ADGB: variants seen among roughly 807,000 people sequenced by gnomAD.
ADGB encodes the protein androglobin.
In ADGB, 172 loss-of-function variants were observed where a neutral mutation model predicts 210.5. The ratio of observed to expected loss-of-function variants is 0.82; its 90% CI spans 0.72 to 0.93. The LOEUF (loss-of-function observed/expected upper bound fraction) is 0.93, where lower values mean the gene tolerates loss of function less well. Among genes scored for constraint, ADGB ranks in the 40% least tolerant of loss-of-function variants. ADGB has a pLI of 0.00. For missense variants in ADGB, 2,025 were observed against 1,964.8 expected (o/e 1.03, Z -0.58); for synonymous variants, 658 against 662.7 (o/e 0.99, Z 0.11).
At chr6:146,721,295 A>C (rs1173280026) in intron 16 of ADGB, 108 bp from the exon 17 acceptor site, 4 of 705,874 alleles carry the variant, frequency 5.7e-6, no homozygotes, top group Non-Finnish European at 4.9e-6. Context: ...CCTACAACAC[A>C]GTAAGTTTCC....
intron 35 of ADGB, chr6:146,803,479 T>G: frequency 6.2e-7 from 1 of 1,603,982 alleles, no homozygotes; most frequent in South Asian, 1.1e-5. Flanking sequence ...TGGAAAGGGA[T>G]GATGAACTTT....
intron 15 of ADGB, among the ~76,000 whole-genome samples, chr6:146,717,298 C>T (rs1776750141): frequency 6.6e-6 from 1 of 152,070 alleles, no homozygotes; most frequent in Non-Finnish European, 1.5e-5. Context: ...CCATATAACA[C>T]ATTAATAGCC....
intron 26 of ADGB, among the ~76,000 whole-genome samples, chr6:146,751,402 C>T (rs1388612059): frequency 2.0e-5 from 3 of 152,026 alleles, no homozygotes; most frequent in Non-Finnish European, 4.4e-5. Flanking sequence ...TGGGTTAATT[C>T]CATGTCTTTG....
intron 1 of ADGB, among the ~76,000 whole-genome samples, chr6:146,635,063 T>A (rs1476352586): frequency 1.3e-5 from 2 of 152,072 alleles, no homozygotes; most frequent in Admixed American, 1.3e-4. Context: ...AGTCTGAGAA[T>A]ACAGCTATTT....
chr6:146,731,629 C>T (rs11155482), intron 20 of ADGB, among the ~76,000 whole-genome samples: 29,096 of 152,132 alleles, frequency 0.19, 3,402 homozygotes, highest in Middle Eastern at 0.3. Flanking sequence ...ATTCTCCCTG[C>T]TCCCTCAATG....
chr6:146,630,877 A>G (rs983305702), intron 1 of ADGB, among the ~76,000 whole-genome samples: 3 of 152,182 alleles, frequency 2.0e-5, no homozygotes, highest in African/African-American at 4.8e-5. Flanking sequence ...TACATTATCT[A>G]TGGGTTCCTG....
chr6:146,785,703 AAAG>A lies in ADGB; in HGVS notation c.4313_4315del (p.Glu1438del), dbSNP rs1777862669. 3 of 1,549,912 alleles carry A rather than the reference AAAG, an allele frequency of 1.9e-6. No individual in the cohort carries two copies. The highest frequency in any genetic ancestry group is 2.6e-6 in the Non-Finnish European group (3 of 1,145,652). The stretch of plus-strand genomic sequence containing the variant: ...TATATCTGAAAGCCAAACTAAACCA[AAAG>A]AAGAAGGTGAGTGGATCCTACCACC... On this transcript the variant is annotated inframe_deletion, in exon 32 of 36. Transcript: ENST00000397944.
chr6:146,635,611 A>G, intron 2 of ADGB, 74 bp downstream of exon 2: 13 of 1,376,750 alleles, frequency 9.4e-6, no homozygotes, highest in Non-Finnish European at 1.2e-5. Flanking sequence ...TGTAAACATA[A>G]AAAGGTATTC....
At position 146,758,406 on chromosome 6, in the gene ADGB, CA is replaced by C. The variant is rs1244150249; in HGVS notation, c.3551-5493del. Among the ~76,000 whole-genome samples the C allele has an allele frequency of 2.0e-5, 3 of 152,006 alleles. No homozygotes were observed. In the East Asian group the frequency reaches 5.8e-4, roughly 29 times the overall value. ...TCTTTAATTAGCTAATTACCACCAC[CA>C]ATTTTCTCTGCAATTTTTAGTTTCA... is the stretch of plus-strand genomic sequence containing the variant. On this transcript the variant is annotated intron_variant, in intron 27 of 35. Coordinates refer to ENST00000397944, the MANE Select transcript of ADGB (RefSeq NM_024694.4).
At chr6:146,802,160 A>G (rs1778145316) in intron 35 of ADGB, 149 bp downstream of exon 35, 1 of 511,292 alleles carries the variant, frequency 2.0e-6, no homozygotes, top group East Asian at 4.0e-5. Flanking sequence ...AAACATCACA[A>G]ATTTGATTCT....
Position 146,815,080 on chromosome 6 carries a change from T to A in ADGB, c.4867T>A (p.Tyr1623Asn). Residue 1623 changes from tyrosine to asparagine, a missense_variant, in exon 36 of 36, where the codon TAC (tyrosine) becomes AAC (asparagine). Transcript: ENST00000397944. The stretch of plus-strand genomic sequence containing the variant: ...GAAAATTTTCGACATCCGGGAAGAG[T>A]ACAGAAACAAATTGCTGGAAGCTGA... ...RQKIFDIREEYRNKLLEAEHL... is the reference protein window; with the variant it reads ...RQKIFDIREENRNKLLEAEHL... The A allele has an allele frequency of 6.5e-7, 1 of 1,547,630 alleles. No homozygotes were observed. The highest frequency in any genetic ancestry group is 1.2e-5 in the South Asian group (1 of 83,488).
intron 1 of ADGB, among the ~76,000 whole-genome samples, chr6:146,630,797 A>C (rs1197708063): frequency 6.6e-6 from 1 of 152,174 alleles, no homozygotes; most frequent in Non-Finnish European, 1.5e-5. Flanking sequence ...GAGAAAATCC[A>C]CCTAAGCACA....
In ADGB at chr6:146,672,236, A is replaced by G. The variant is rs559204431; in HGVS notation, c.856A>G (p.Lys286Glu). The change falls in exon 8 of 36, where the codon AAA becomes GAA. Residue 286 changes from lysine to glutamate, a missense_variant. Physicochemically the swap from Lys to Glu is moderately conservative, Grantham distance 56 (BLOSUM62 1). Coordinates refer to ENST00000397944, the MANE Select transcript of ADGB (RefSeq NM_024694.4). ...VISLHPGYMD[K>E]VWELLKEILP... The stretch of plus-strand genomic sequence containing the variant: ...TTCTCTTAGCCCGGGATATATGGAC[A>G]AAGTTTGGGAGCTCCTGAAAGAAAT... 1.3e-6 allele frequency: 2 copies of G among 1,527,788 alleles called. No individual in the cohort carries two copies. Among genetic ancestry groups the G allele is most frequent in the East Asian group, 2.5e-5 (1 of 40,474 alleles). 94.6% of individuals were successfully genotyped at this position (1,527,788 alleles called of 1,614,324 possible).
chr6:146,716,987 T>G lies in ADGB; in HGVS notation c.1846T>G (p.Ser616Ala). The change falls in exon 15 of 36, where the codon TCA becomes GCA. Residue 616 changes from serine (S) to alanine (A), a missense_variant. Transcript: ENST00000397944. ...VSQTTATQEK[S>A]QEELPTTNNS... ...CCAGACCACAGCAACACAGGAAAAGTCACAGGAAGAACTTCCAACAACAAA... is the reference window on the plus strand; with the variant it reads ...CCAGACCACAGCAACACAGGAAAAGGCACAGGAAGAACTTCCAACAACAAA... The G allele has an allele frequency of 1.9e-6, 3 of 1,551,600 alleles. No homozygotes were observed. Among genetic ancestry groups the G allele is most frequent in the Non-Finnish European group, 2.6e-6 (3 of 1,146,944 alleles).
rs1440502759 is a variant in ADGB, at chr6:146,769,105, A to G, written c.3836A>G (p.Lys1279Arg). The change falls in exon 29 of 36, where the codon AAA (lysine) becomes AGA (arginine). Residue 1279 changes from lysine to arginine, a missense_variant. By Grantham distance (26) the Lys-to-Arg change is conservative. Transcript: ENST00000397944. ...ESQLTFVQAL[K>R]DLKKSNTKAY... ...CAGCTGACATTTGTTCAAGCACTGA[A>G]AGACTTAAAGAAAAGTAATACCAAA... The G allele has an allele frequency of 6.6e-7, 1 of 1,524,436 alleles. No homozygotes were observed. The highest frequency in any genetic ancestry group is 2.5e-5 in the East Asian group (1 of 40,792). The allele number at this position is 1,524,436 out of a possible 1,614,324, so 94.4% of individuals were successfully genotyped here.
rs908856092 is a variant in ADGB, at chr6:146,724,328, G to A, written c.2237+1G>A. On this transcript the variant is annotated splice_donor_variant, in intron 18 of 35. Transcript: ENST00000397944. LOFTEE classifies it high-confidence loss of function. Reference sequence around the variant, plus strand: ...CTACAGTGGTTCGTCTGCCTGTTGGGTATGAAGTGGCTTCATTTTTCCCAT... The same window carrying A: ...CTACAGTGGTTCGTCTGCCTGTTGGATATGAAGTGGCTTCATTTTTCCCAT... 2.7e-6 allele frequency: 4 copies of A among 1,508,524 alleles called. No homozygotes were observed. The highest frequency in any genetic ancestry group is 2.7e-6 in the Non-Finnish European group (3 of 1,130,736). 93.4% of individuals were successfully genotyped at this position (1,508,524 alleles called of 1,614,324 possible). A position where few individuals can be genotyped will look rare whatever the true frequency, so the allele number is the denominator to read the frequency against.
rs773317360 is a variant in ADGB at position 146,699,847 on chromosome 6, G to T, written c.1578-1094G>T. The stretch of plus-strand genomic sequence containing the variant: ...CTTTTAGAATCTCTATGCCAATAGG[G>T]ACCCCAAATGGATTAGTTTCATAAC... On this transcript the variant is annotated intron_variant, in intron 12 of 35. Transcript: ENST00000397944. Among the ~76,000 whole-genome samples the T allele has an allele frequency of 4.6e-5, 7 of 152,156 alleles. No homozygotes were observed. In the South Asian group the frequency reaches 6.2e-4, roughly 14 times the overall value.
chr6:146,686,362 A>C (rs35449769), intron 10 of ADGB, among the ~76,000 whole-genome samples: 1 of 152,140 alleles, frequency 6.6e-6, no homozygotes, highest in Non-Finnish European at 1.5e-5. Flanking sequence ...GAAAGGAAAT[A>C]CAATTAAAAT....
chr6:146,646,958 G>A (rs1775625039), intron 3 of ADGB, among the ~76,000 whole-genome samples: 1 of 151,718 alleles, frequency 6.6e-6, no homozygotes, highest in African/African-American at 2.4e-5. Flanking sequence ...GCATGGTAAT[G>A]CATGACTGTA....
Sources: gnomAD v4.1 joint callset for allele counts (sites outside exome capture counted in the v4.1 genomes callset) on GRCh38, gnomAD v4.1.1 for gene constraint, MANE v1.5 for transcripts, NCBI Gene and HGNC (gene_info 2026-07-23, HGNC 2026-07-21) for gene names.